The following SLC6A15 variants were observed in gnomAD, a reference collection of about 807,000 sequenced individuals.
SLC6A15 encodes the protein solute carrier family 6 member 15.
A neutral mutation model predicts 68.5 loss-of-function variants in SLC6A15; 33 were observed. The ratio of observed to expected loss-of-function variants is 0.48; its 90% CI spans 0.37 to 0.64. The LOEUF is 0.64. Among genes scored for constraint, SLC6A15 ranks in the 30% least tolerant of loss-of-function variants. The pLI, the probability that SLC6A15 is intolerant of heterozygous loss-of-function variation, is 0.00. For missense variants in SLC6A15, 747 were observed against 874.3 expected, an observed-to-expected ratio of 0.85 and a Z score of 1.84; for synonymous variants, 347 against 301.0, an observed-to-expected ratio of 1.15 and a Z score of -1.58.
intron 1 of SLC6A15, 111 bp from the exon 2 acceptor site, chr12:84,892,419 A>G (rs1872452671): frequency 4.8e-6 from 1 of 208,648 alleles, no homozygotes; most frequent in Non-Finnish European, 9.4e-6. Context: ...AGTATAAAAC[A>G]TGTAACTGTC....
At chr12:84,881,948 C>G (rs12301685) in intron 5 of SLC6A15, 4 of 984,594 alleles carry the variant, frequency 4.1e-6, no homozygotes, top group Non-Finnish European at 2.4e-6. Flanking sequence ...AAATATTGCC[C>G]AAATACTAGT....
At chr12:84,904,214 G>C (rs1325011766) in intron 1 of SLC6A15, among the ~76,000 whole-genome samples, 1 of 56,106 alleles carries the variant, frequency 1.8e-5, no homozygotes, top group Non-Finnish European at 3.3e-5. Flanking sequence ...AAGGGGGGAG[G>C]GGCGGAGGGG....
intron 5 of SLC6A15, among the ~76,000 whole-genome samples, chr12:84,878,867 C>T (rs556815959): frequency 6.8e-6 from 1 of 147,706 alleles, no homozygotes; most frequent in African/African-American, 2.4e-5. Context: ...AATAGCACAA[C>T]ACCTTTCAGT....
At chr12:84,911,899 G>C (rs1008720956) in intron 1 of SLC6A15, 12 of 152,304 alleles carry the variant, frequency 7.9e-5, no homozygotes, top group Admixed American at 4.6e-4. Context: ...CCTTTCGTAC[G>C]GCGAAAGGCC....
intron 6 of SLC6A15, among the ~76,000 whole-genome samples, chr12:84,873,888 C>T (rs1056604377): frequency 6.6e-6 from 1 of 152,132 alleles, no homozygotes; most frequent in African/African-American, 2.4e-5. Flanking sequence ...TGAAGAAATT[C>T]ACCTATATTG....
intron 5 of SLC6A15, among the ~76,000 whole-genome samples, chr12:84,880,349 C>G (rs1400411116): frequency 6.6e-6 from 1 of 152,156 alleles, no homozygotes; most frequent in African/African-American, 2.4e-5. Context: ...TAGACCAAAA[C>G]AGCCACTTGC....
intron 1 of SLC6A15, among the ~76,000 whole-genome samples, chr12:84,908,254 C>A (rs1873265033): frequency 6.6e-6 from 1 of 152,070 alleles, no homozygotes; most frequent in Non-Finnish European, 1.5e-5. Flanking sequence ...ACACCCATCT[C>A]AAAATTAAGA....
chr12:84,872,973 G>T, intron 7 of SLC6A15, 114 bp downstream of exon 7: 1 of 1,317,808 alleles, frequency 7.6e-7, no homozygotes, highest in Non-Finnish European at 1.0e-6. Flanking sequence ...TTGTATGTTT[G>T]TGTCGAACTA....
At chr12:84,906,111 C>A (rs1369798589) in intron 1 of SLC6A15, among the ~76,000 whole-genome samples, 3 of 152,058 alleles carry the variant, frequency 2.0e-5, no homozygotes, top group Non-Finnish European at 2.9e-5. Context: ...ACAGAATACA[C>A]GGTAAACATA....
chr12:84,872,017 G>T (rs538839516), intron 8 of SLC6A15, among the ~76,000 whole-genome samples: 1 of 152,162 alleles, frequency 6.6e-6, no homozygotes, highest in East Asian at 1.9e-4. Context: ...AATTAGCCAG[G>T]TGTGGTGGTA....
intron 4 of SLC6A15, 45 bp from the exon 5 acceptor site, chr12:84,884,085 G>T: frequency 6.7e-7 from 1 of 1,500,010 alleles, no homozygotes. Flanking sequence ...AATATAAAGA[G>T]CAATGCGACA....
intron 5 of SLC6A15, chr12:84,882,661 A>T (rs1374724163): frequency 2.7e-5 from 5 of 186,226 alleles, no homozygotes; most frequent in Non-Finnish European, 5.0e-5. Context: ...CTTGCATTTG[A>T]CTCCAAATAC....
At chr12:84,862,124 T>TCTATTGGTCAAAGCAA in intron 11 of SLC6A15, 118 bp from the exon 12 acceptor site, 1 of 1,047,310 alleles carries the variant, frequency 9.5e-7, no homozygotes, top group Non-Finnish European at 1.4e-6. Flanking sequence ...TGACTTGCTT[T>TCTATTGGTCAAAGCAA]GACCAATAGA....
intron 5 of SLC6A15, among the ~76,000 whole-genome samples, chr12:84,879,366 C>T (rs903992906): frequency 9.2e-5 from 14 of 151,710 alleles, no homozygotes; most frequent in Admixed American, 6.6e-5. Context: ...CACTCTGTCG[C>T]CCAGGGTGGA....
At chr12:84,874,488 A>G (rs1286592948) in intron 6 of SLC6A15, 5 of 152,196 alleles carry the variant, frequency 3.3e-5, no homozygotes, top group Admixed American at 2.0e-4. Flanking sequence ...TAACTTGCCT[A>G]AGTTTACACA....
At chr12:84,873,905 A>T (rs1871401842) in intron 6 of SLC6A15, among the ~76,000 whole-genome samples, 1 of 152,224 alleles carries the variant, frequency 6.6e-6, no homozygotes, top group Non-Finnish European at 1.5e-5. Context: ...ATTGTCTATA[A>T]GATACTCTTT....
chr12:84,875,291 AACT>A (rs1871468477), intron 6 of SLC6A15, among the ~76,000 whole-genome samples: 2 of 151,996 alleles, frequency 1.3e-5, no homozygotes, highest in Admixed American at 1.3e-4. Context: ...CGTAAATCTT[AACT>A]AGTTGTTCAC....
chr12:84,898,434 T>C (rs756903788), intron 1 of SLC6A15, among the ~76,000 whole-genome samples: 1 of 152,204 alleles, frequency 6.6e-6, no homozygotes, highest in Non-Finnish European at 1.5e-5. Context: ...CTTATTTGAT[T>C]GTAATGTGAC....
intron 8 of SLC6A15, among the ~76,000 whole-genome samples, chr12:84,871,366 A>G (rs1871278079): frequency 6.6e-6 from 1 of 151,896 alleles, no homozygotes; most frequent in Admixed American, 6.6e-5. Flanking sequence ...AGAAGACACA[A>G]TGAATTTCCA....
Sources: allele counts gnomAD v4.1 joint callset (sites outside exome capture counted in the v4.1 genomes callset), GRCh38; gene constraint gnomAD v4.1.1; transcripts MANE v1.5; gene names NCBI Gene and HGNC (gene_info 2026-07-23, HGNC 2026-07-21).